EVL: variants seen among roughly 807,000 people sequenced by gnomAD.
The protein encoded by EVL is ena/VASP-like protein.
EVL carries 21 observed loss-of-function variants against 59.6 expected under a neutral mutation model. The ratio of observed to expected loss-of-function variants is 0.35; its 90% CI spans 0.25 to 0.51. The LOEUF (loss-of-function observed/expected upper bound fraction) is 0.51, where lower values mean the gene tolerates loss of function less well. EVL is among the 20% of genes least tolerant of loss of function. The pLI is 0.97. For synonymous variants in EVL, 198 were observed against 203.5 expected (o/e 0.97, Z 0.23); for missense variants, 462 against 546.6 (o/e 0.85, Z 1.54).
At chr14:100,123,342 C>T (rs1233091827) in intron 3 of EVL, among the ~76,000 whole-genome samples, 197 bp from the exon 4 acceptor site, 2 of 151,976 alleles carry the variant, frequency 1.3e-5, no homozygotes, top group Admixed American at 6.6e-5. Flanking sequence ...AATGAAGAGC[C>T]GTGAGAGAGA....
At chr14:100,004,015 C>A (rs188564417) in intron 1 of EVL, among the ~76,000 whole-genome samples, 130 of 152,302 alleles carry the variant, frequency 8.5e-4, no homozygotes, top group African/African-American at 3.1e-3. Context: ...ACCAGCCAGG[C>A]CAACATGGCG....
At chr14:100,037,228 G>A (rs535205961) in intron 1 of EVL, among the ~76,000 whole-genome samples, 12 of 152,192 alleles carry the variant, frequency 7.9e-5, no homozygotes, top group Non-Finnish European at 1.8e-4. Flanking sequence ...AGGGCAGTCC[G>A]TTGAAGAGCC....
At chr14:100,026,112 A>G (rs1198132733) in intron 1 of EVL, among the ~76,000 whole-genome samples, 4 of 151,808 alleles carry the variant, frequency 2.6e-5, no homozygotes, top group Non-Finnish European at 5.9e-5. Flanking sequence ...TTAGCCGGGC[A>G]TGGTGACACA....
chr14:100,121,715 G>A (rs1887711166), intron 3 of EVL, among the ~76,000 whole-genome samples: 2 of 152,170 alleles, frequency 1.3e-5, no homozygotes, highest in Admixed American at 1.3e-4. Context: ...GGCAAAATGG[G>A]GAATCCAAAG....
intron 1 of EVL, among the ~76,000 whole-genome samples, chr14:100,007,517 T>C (rs758424395): frequency 1.3e-5 from 2 of 152,226 alleles, no homozygotes; most frequent in East Asian, 3.8e-4. Context: ...TGCTCTCTTA[T>C]CTACTCACAT....
Position 100,084,873 on chromosome 14 carries a change from A to C in EVL, c.180+18A>C. 2 of 1,613,248 alleles carry C rather than the reference A, an allele frequency of 1.2e-6. No individual in the cohort carries two copies. Among genetic ancestry groups the C allele is most frequent in the Non-Finnish European group, 1.7e-6 (2 of 1,179,590 alleles). On this transcript the variant is annotated intron_variant, in intron 2 of 13. Coordinates refer to ENST00000392920, the MANE Select transcript of EVL (RefSeq NM_016337.3). The stretch of plus-strand genomic sequence containing the variant: ...ATCAGCAGGTCAGTGCTGGAATTAC[A>C]GATTATACCCGTGAGCCTGCGCACC...
At chr14:100,054,049 C>CTTTTT (rs11302582) in intron 1 of EVL, among the ~76,000 whole-genome samples, 7 of 61,248 alleles carry the variant, frequency 1.1e-4, no homozygotes, top group South Asian at 7.3e-4. Flanking sequence ...TATTTTTGGA[C>CTTTTT]TTTTTTTTTT....
At chr14:100,037,017 G>A (rs1269168061) in intron 1 of EVL, among the ~76,000 whole-genome samples, 3 of 152,222 alleles carry the variant, frequency 2.0e-5, no homozygotes, top group Non-Finnish European at 4.4e-5. Context: ...CTGTCCACAA[G>A]CCAAGGAGAG....
chr14:100,064,815 C>T (rs1206619225), upstream of EVL, among the ~76,000 whole-genome samples: 2 of 152,190 alleles, frequency 1.3e-5, no homozygotes, highest in Non-Finnish European at 2.9e-5. Flanking sequence ...GAGGCTGAGG[C>T]AGGAGAATCG....
At chr14:100,057,213 G>T (rs1482626121) in intron 1 of EVL, among the ~76,000 whole-genome samples, 2 of 152,184 alleles carry the variant, frequency 1.3e-5, no homozygotes, top group Non-Finnish European at 2.9e-5. Flanking sequence ...GAGTCCAGTG[G>T]TGGGATTTTT....
chr14:100,125,169 TACACACACAC>T (rs34405834), intron 4 of EVL, among the ~76,000 whole-genome samples: 1 of 103,118 alleles, frequency 9.7e-6, no homozygotes. Context: ...AAGGCAGGAA[TACACACACAC>T]ACACACACAC....
chr14:100,130,019 C>T lies in EVL; in HGVS notation c.839+335C>T, dbSNP rs1038550160. On this transcript the variant is annotated intron_variant, in intron 7 of 13. Transcript: ENST00000392920. The surrounding 1 kb of genome is among the most constrained non-coding windows in gnomAD (Gnocchi z 4.8). ...AAGAACAGTCCTTGCTCTTAAGATC[C>T]TAACAGAAATAAGATGTGGCCGCAG... Among the ~76,000 whole-genome samples the T allele has an allele frequency of 6.6e-6, 1 of 152,230 alleles. No homozygotes were observed. Among genetic ancestry groups the T allele is most frequent in the Non-Finnish European group, 1.5e-5 (1 of 68,048 alleles).
At chr14:99,986,475 C>T (rs1004717968) in intron 1 of EVL, among the ~76,000 whole-genome samples, 2 of 152,090 alleles carry the variant, frequency 1.3e-5, no homozygotes, top group Non-Finnish European at 2.9e-5. Context: ...CAGACTGAAT[C>T]AGATAGTGTC....
At chr14:100,033,358 CA>C (rs1460058483) in intron 1 of EVL, among the ~76,000 whole-genome samples, 1 of 152,170 alleles carries the variant, frequency 6.6e-6, no homozygotes, top group Non-Finnish European at 1.5e-5. Flanking sequence ...GAACACCAGT[CA>C]AAAGCAGATT....
upstream of EVL, among the ~76,000 whole-genome samples, chr14:100,062,961 G>C (rs2061863738): frequency 6.6e-6 from 1 of 152,146 alleles, no homozygotes; most frequent in African/African-American, 2.4e-5. Context: ...AGCCAGGCAT[G>C]ATGGTGTGTG....
At chr14:99,989,605 A>G (rs1050374130) in intron 1 of EVL, among the ~76,000 whole-genome samples, 1 of 152,160 alleles carries the variant, frequency 6.6e-6, no homozygotes. Flanking sequence ...CATATTTTTT[A>G]TACATCTTTT....
chr14:100,091,016 T>A (rs760177710), intron 2 of EVL, among the ~76,000 whole-genome samples: 12 of 152,166 alleles, frequency 7.9e-5, no homozygotes, highest in Admixed American at 5.2e-4. Flanking sequence ...AATATTATAT[T>A]AAGTGAATTT....
intron 1 of EVL, among the ~76,000 whole-genome samples, chr14:100,073,165 C>T (rs2140282563): frequency 6.6e-6 from 1 of 152,016 alleles, no homozygotes; most frequent in Non-Finnish European, 1.5e-5. Flanking sequence ...CACCACTCTG[C>T]CTTTGCTGAC....
intron 1 of EVL, chr14:100,019,736 G>A (rs1167451013): frequency 8.6e-6 from 13 of 1,518,454 alleles, no homozygotes; most frequent in African/African-American, 6.9e-5. Context: ...TTTTGTTCTC[G>A]CTAGGTTTTT....
Sources: allele counts gnomAD v4.1 joint callset (sites outside exome capture counted in the v4.1 genomes callset), GRCh38; gene constraint gnomAD v4.1.1; non-coding constraint Gnocchi (gnomAD v3.1); transcripts MANE v1.5; gene names NCBI Gene and HGNC (gene_info 2026-07-23, HGNC 2026-07-21).